The following ROBO1 variants were observed in gnomAD, a reference collection of about 807,000 sequenced individuals.
ROBO1 encodes roundabout guidance receptor 1.
Under a neutral mutation model 195.9 loss-of-function variants are expected in ROBO1, and 149 were observed. That is an observed-to-expected ratio of 0.76 (90% CI 0.67 to 0.87). ROBO1 has a LOEUF of 0.87. Ranked by LOEUF, ROBO1 falls within the 40% of genes least tolerant of loss-of-function variation. ROBO1 has a pLI of 0.00. For missense variants in ROBO1, 1,933 were observed against 2,068.3 expected, an observed-to-expected ratio of 0.93 and a Z score of 1.27; for synonymous variants, 816 against 733.2, an observed-to-expected ratio of 1.11 and a Z score of -1.82.
chr3:79,393,801 A>G (rs2037041008), intron 2 of ROBO1, among the ~76,000 whole-genome samples: 1 of 152,320 alleles, frequency 6.6e-6, no homozygotes, highest in South Asian at 2.1e-4. Context: ...AATAAGAAAG[A>G]GAAGGAAAAA....
intron 4 of ROBO1, among the ~76,000 whole-genome samples, chr3:78,783,847 T>C (rs2083752740): frequency 6.6e-6 from 1 of 152,174 alleles, no homozygotes; most frequent in African/African-American, 2.4e-5. Context: ...GACTAAATCA[T>C]GCTGAATTAC....
At chr3:79,420,531 A>G (rs2038181514) in intron 2 of ROBO1, among the ~76,000 whole-genome samples, 1 of 152,178 alleles carries the variant, frequency 6.6e-6, no homozygotes, top group Non-Finnish European at 1.5e-5. Flanking sequence ...GTTTGCAAAG[A>G]TGACTGCAAA....
At chr3:78,830,109 C>A (rs967085221) in intron 4 of ROBO1, among the ~76,000 whole-genome samples, 1 of 152,286 alleles carries the variant, frequency 6.6e-6, no homozygotes, top group East Asian at 1.9e-4. Context: ...AACAAATCCG[C>A]CCATGATGGC....
At chr3:78,962,070 A>C (rs1350947671) in intron 3 of ROBO1, among the ~76,000 whole-genome samples, 1 of 152,186 alleles carries the variant, frequency 6.6e-6, no homozygotes, top group Admixed American at 6.5e-5. Flanking sequence ...TTTCCAAACA[A>C]AGGAAAACTA....
chr3:79,716,862 A>T (rs1430546122), intron 1 of ROBO1, among the ~76,000 whole-genome samples: 1 of 152,162 alleles, frequency 6.6e-6, no homozygotes, highest in Non-Finnish European at 1.5e-5. Context: ...TTTTGTTGAT[A>T]AGGGTGAAAA....
At chr3:79,645,099 TA>T (rs1469527780) in intron 1 of ROBO1, among the ~76,000 whole-genome samples, 3 of 151,938 alleles carry the variant, frequency 2.0e-5, no homozygotes, top group Non-Finnish European at 2.9e-5. Context: ...CATGCCTACA[TA>T]AAAACAGTAG....
At chr3:78,603,011 C>CT (rs1703264424) in intron 29 of ROBO1, among the ~76,000 whole-genome samples, 1 of 152,244 alleles carries the variant, frequency 6.6e-6, no homozygotes, top group Non-Finnish European at 1.5e-5. Flanking sequence ...GATTTTGACT[C>CT]TAAAAAGTTT....
chr3:79,531,295 C>T (rs58749953), intron 2 of ROBO1, among the ~76,000 whole-genome samples: 4,213 of 152,126 alleles, frequency 0.028, 184 homozygotes, highest in African/African-American at 0.095. Context: ...TAATATATTA[C>T]TCAGCAGCTA....
intron 2 of ROBO1, among the ~76,000 whole-genome samples, chr3:79,472,015 C>A (rs567531306): frequency 6.6e-6 from 1 of 152,054 alleles, no homozygotes; most frequent in South Asian, 2.1e-4. Context: ...AGCAAACCAC[C>A]AAGGCACGTG....
At chr3:78,800,277 AT>A (rs1366385913) in intron 4 of ROBO1, among the ~76,000 whole-genome samples, 2 of 152,200 alleles carry the variant, frequency 1.3e-5, no homozygotes, top group Non-Finnish European at 2.9e-5. Context: ...TAACTAAGGT[AT>A]TTACCAAGAT....
At chr3:78,650,035 G>A (rs1706548155) in intron 19 of ROBO1, among the ~76,000 whole-genome samples, 1 of 152,092 alleles carries the variant, frequency 6.6e-6, no homozygotes, top group Non-Finnish European at 1.5e-5. Flanking sequence ...GAGGTCTTTT[G>A]ATGAAGAATT....
intron 10 of ROBO1, among the ~76,000 whole-genome samples, chr3:78,678,936 G>A (rs1316682584): frequency 2.0e-5 from 3 of 152,028 alleles, no homozygotes; most frequent in Admixed American, 6.6e-5. Flanking sequence ...ATAAAATACT[G>A]GCAAACCGAA....
intron 4 of ROBO1, among the ~76,000 whole-genome samples, chr3:78,842,281 A>T (rs71626825): frequency 1.2e-4 from 15 of 127,592 alleles, no homozygotes; most frequent in African/African-American, 2.0e-4. Flanking sequence ...CCATATATAT[A>T]TTTATATATA....
intron 2 of ROBO1, among the ~76,000 whole-genome samples, chr3:79,367,347 T>C (rs921854721): frequency 1.3e-5 from 2 of 152,216 alleles, no homozygotes; most frequent in Non-Finnish European, 1.5e-5. Flanking sequence ...TCCTTTCTGA[T>C]ATTAATCTCA....
At chr3:79,727,647 A>C (rs1702977620) in intron 1 of ROBO1, among the ~76,000 whole-genome samples, 1 of 152,168 alleles carries the variant, frequency 6.6e-6, no homozygotes, top group Non-Finnish European at 1.5e-5. Context: ...CAAACAGGTA[A>C]AAAGATTTTC....
chr3:79,507,865 A>G (rs182992819), intron 2 of ROBO1: 1 of 154,770 alleles, frequency 6.5e-6, no homozygotes, highest in Non-Finnish European at 1.5e-5. Flanking sequence ...GTTGAAAGAG[A>G]TAATTAGGCT....
chr3:79,103,752 A>T (rs2079723253), intron 3 of ROBO1, among the ~76,000 whole-genome samples: 1 of 151,778 alleles, frequency 6.6e-6, no homozygotes, highest in Non-Finnish European at 1.5e-5. Context: ...ACATATATAC[A>T]TATATATGCT....
intron 3 of ROBO1, among the ~76,000 whole-genome samples, chr3:79,029,679 G>T (rs2078259645): frequency 1.3e-5 from 2 of 152,186 alleles, no homozygotes; most frequent in South Asian, 4.1e-4. Flanking sequence ...ACAGTTTGAA[G>T]AATTTGCCAT....
At chr3:79,312,850 G>A (rs983140906) in intron 2 of ROBO1, among the ~76,000 whole-genome samples, 1 of 151,848 alleles carries the variant, frequency 6.6e-6, no homozygotes, top group East Asian at 1.9e-4. Flanking sequence ...CCCTTTTTGA[G>A]TCTCTAATTC....
Sources: allele counts gnomAD v4.1 joint callset (sites outside exome capture counted in the v4.1 genomes callset), GRCh38; gene constraint gnomAD v4.1.1; transcripts MANE v1.5; gene names NCBI Gene and HGNC (gene_info 2026-07-23, HGNC 2026-07-21).